The following C9orf72 variants were observed in gnomAD, a reference collection of about 807,000 sequenced individuals.
C9orf72 encodes the protein C9orf72-SMCR8 complex subunit.
In C9orf72, 44 loss-of-function variants were observed where a neutral mutation model predicts 51.6. The observed-to-expected ratio is 0.85, with a 90% CI of 0.67 to 1.10. The LOEUF (loss-of-function observed/expected upper bound fraction) is 1.10, where lower values mean the gene tolerates loss of function less well. Ranked by LOEUF, C9orf72 falls within the 50% of genes least tolerant of loss-of-function variation. C9orf72 has a pLI of 0.00. For synonymous variants in C9orf72, 213 were observed against 194.2 expected (o/e 1.10, Z -0.81); for missense variants, 607 against 570.6 (o/e 1.06, Z -0.65).
intron 1 of C9orf72, among the ~76,000 whole-genome samples, chr9:27,570,506 T>G (rs1303774590): frequency 6.6e-6 from 1 of 152,080 alleles, no homozygotes; most frequent in East Asian, 1.9e-4. Context: ...ATAGGGAAAC[T>G]TTTACCACGT....
intron 4 of C9orf72, 119 bp downstream of exon 4, chr9:27,562,262 T>C (rs1819367345): frequency 2.5e-6 from 1 of 401,020 alleles, no homozygotes; most frequent in Non-Finnish European, 4.3e-6. Flanking sequence ...TAATACTGTA[T>C]GTGAATAGTA....
intron 8 of C9orf72, among the ~76,000 whole-genome samples, chr9:27,553,133 G>A (rs1014839785): frequency 6.6e-6 from 1 of 152,062 alleles, no homozygotes; most frequent in Non-Finnish European, 1.5e-5. Flanking sequence ...TTGTTAAAAT[G>A]GCCATACTGC....
chr9:27,563,713 C>T (rs1055082710), intron 3 of C9orf72, among the ~76,000 whole-genome samples: 3 of 152,008 alleles, frequency 2.0e-5, no homozygotes, highest in Non-Finnish European at 4.4e-5. Context: ...TATCCTAAGC[C>T]ATATGCCCAT....
In C9orf72 at chr9:27,556,747, G is replaced by A; in HGVS notation, c.905C>T (p.Pro302Leu). 1 of 1,613,974 alleles carries A rather than the reference G, an allele frequency of 6.2e-7. No individual in the cohort carries two copies. The highest frequency in any genetic ancestry group is 8.5e-7 in the Non-Finnish European group (1 of 1,179,884). Residue 302 changes from proline to leucine, a missense_variant, in exon 8 of 11, where the codon CCA becomes CTA. Pro to Leu is a moderately conservative substitution (Grantham distance 98). Transcript: ENST00000380003. ...VLPFRQVMYA[P>L]YPTTHIDVDV... The stretch of plus-strand genomic sequence containing the variant: ...CACATCTATGTGTGTGGTGGGATAT[G>A]GAGCATACATGACTTGCCGGAAAGG...
chr9:27,568,279 T>C (rs1587320587), intron 1 of C9orf72, among the ~76,000 whole-genome samples: 1 of 151,928 alleles, frequency 6.6e-6, no homozygotes, highest in South Asian at 2.1e-4. Flanking sequence ...AAGAAACCAA[T>C]ACAGCATTTC....
chr9:27,567,438 ACACTGAT>A (rs1819494823), intron 1 of C9orf72, among the ~76,000 whole-genome samples: 1 of 152,222 alleles, frequency 6.6e-6, no homozygotes, highest in South Asian at 2.1e-4. Flanking sequence ...GGGCTTCTTT[ACACTGAT>A]ATTAAATGTT....
intron 8 of C9orf72, chr9:27,554,484 T>C (rs999655492): frequency 2.5e-6 from 1 of 397,406 alleles, no homozygotes; most frequent in Admixed American, 4.4e-5. Flanking sequence ...CAGGGCCTAC[T>C]TGAGGGTGGG....
At chr9:27,568,784 T>C (rs1484054343) in intron 1 of C9orf72, among the ~76,000 whole-genome samples, 3 of 152,188 alleles carry the variant, frequency 2.0e-5, no homozygotes, top group Non-Finnish European at 4.4e-5. Context: ...TGCTGGTTTA[T>C]GTATTCACTA....
rs753335393 is a variant in C9orf72 at position 27,548,390 on chromosome 9, C to T, written c.1292G>A (p.Arg431Gln). The T allele has an allele frequency of 4.9e-5, 69 of 1,418,734 alleles. No homozygotes were observed. The highest frequency in any genetic ancestry group is 6.6e-5 in the African/African-American group (4 of 60,672). 87.9% of individuals were successfully genotyped at this position (1,418,734 alleles called of 1,614,324 possible). ...TAAATCAAGGTCTATCTTCAGGTTC[C>T]GAAGAGATTTAAAGGGCTTTTTTCC... ...QKGKKPFKSL[R>Q]NLKIDLDLTA... The change falls in exon 11 of 11, where the codon CGG (arginine) becomes CAG (glutamine). Residue 431 changes from arginine to glutamine, a missense_variant. By Grantham distance (43) the Arg-to-Gln change is conservative (BLOSUM62 1). Transcript: ENST00000380003.
At chr9:27,557,557 T>C (rs926450900) in intron 7 of C9orf72, among the ~76,000 whole-genome samples, 6 of 152,134 alleles carry the variant, frequency 3.9e-5, no homozygotes, top group Non-Finnish European at 7.4e-5. Flanking sequence ...AAATTTCCTC[T>C]AGGCATCTGG....
rs775967997 is a variant in C9orf72, at chr9:27,556,789, GTTGAATCC to G, written c.856-1_862del. 1 of 1,606,160 alleles carries G rather than the reference GTTGAATCC, an allele frequency of 6.2e-7. No individual in the cohort carries two copies. The highest frequency in any genetic ancestry group is 8.5e-7 in the Non-Finnish European group (1 of 1,172,988). ...CCGGAAAGGCAGCACAAAGCTTCCA[GTTGAATCC>G]TGTCAAAATAAAAGGAAAATTTACT... On this transcript the variant is annotated splice_acceptor_variant and coding_sequence_variant, in exon 8 of 11. Coordinates refer to ENST00000380003, the MANE Select transcript of C9orf72 (RefSeq NM_018325.5). LOFTEE classifies it high-confidence loss of function.
intron 6 of C9orf72, 48 bp downstream of exon 6, chr9:27,560,179 A>G: frequency 8.2e-7 from 1 of 1,218,694 alleles, no homozygotes; most frequent in Non-Finnish European, 1.2e-6. Context: ...ATGATATATC[A>G]TCAGTCTTAA....
Position 27,567,005 on chromosome 9 carries a change from G to C in C9orf72, c.116C>G (p.Pro39Arg). The C allele has an allele frequency of 6.2e-7, 1 of 1,614,006 alleles. No homozygotes were observed. The highest frequency in any genetic ancestry group is 8.5e-7 in the Non-Finnish European group (1 of 1,179,918). The change falls in exon 2 of 11, where the codon CCT becomes CGT. Residue 39 changes from proline to arginine, a missense_variant. By Grantham distance (103) the Pro-to-Arg change is moderately radical (BLOSUM62 -2). Transcript: ENST00000380003. Reference protein sequence around the residue: ...TFAYWDNILGPRVRHIWAPKT... With the variant: ...TFAYWDNILGRRVRHIWAPKT... ...TGGAGCCCAAATGTGCCTTACTCTA[G>C]GACCAAGAATATTGTCCCAGTAAGC...
chr9:27,570,050 CACA>C (rs1819552058), intron 1 of C9orf72, among the ~76,000 whole-genome samples: 2 of 152,304 alleles, frequency 1.3e-5, no homozygotes, highest in South Asian at 2.1e-4. Context: ...AATGGTTGAA[CACA>C]ACGACAGTTT....
intron 1 of C9orf72, among the ~76,000 whole-genome samples, chr9:27,573,093 T>C (rs980378225): frequency 1.3e-5 from 2 of 151,922 alleles, no homozygotes; most frequent in Non-Finnish European, 2.9e-5. Flanking sequence ...TACCCGAGGC[T>C]CCCTTTTCTC....
At chr9:27,569,574 C>T (rs13284967) in intron 1 of C9orf72, among the ~76,000 whole-genome samples, 59,853 of 152,060 alleles carry the variant, frequency 0.39, 13,878 homozygotes, top group East Asian at 0.67. Flanking sequence ...CTATACCATA[C>T]GGCCTAGGTA....
rs750045383 is a variant in C9orf72 at position 27,548,258 on chromosome 9, C to A, written c.1424G>T (p.Arg475Leu). The A allele has an allele frequency of 4.4e-6, 7 of 1,608,028 alleles. No individual in the cohort carries two copies. Among genetic ancestry groups the A allele is most frequent in the Non-Finnish European group, 3.4e-6 (4 of 1,177,588 alleles). Residue 475 changes from arginine (R) to leucine (L), a missense_variant, in exon 11 of 11, where the codon CGA (arginine) becomes CTA (leucine). Physicochemically the swap from Arg to Leu is moderately radical, Grantham distance 102 (BLOSUM62 -2). Coordinates refer to ENST00000380003, the MANE Select transcript of C9orf72 (RefSeq NM_018325.5). The stretch of plus-strand genomic sequence containing the variant: ...CATTTAAAAAGTCATTAGAACATCT[C>A]GTTCTTGCACACTAGTGTAGAAAGG... Reference protein sequence around the residue: ...GRPFYTSVQERDVLMTF With the variant: ...GRPFYTSVQELDVLMTF
intron 8 of C9orf72, among the ~76,000 whole-genome samples, chr9:27,554,195 A>G (rs1211056999): frequency 6.6e-6 from 1 of 152,202 alleles, no homozygotes; most frequent in Non-Finnish European, 1.5e-5. Flanking sequence ...AAATTTTTCT[A>G]CCATAAAGAC....
At chr9:27,548,764 C>G (rs866566387) in intron 9 of C9orf72, 98 bp from the exon 10 acceptor site, 2 of 679,926 alleles carry the variant, frequency 2.9e-6, no homozygotes, top group Middle Eastern at 2.5e-4. Context: ...AGACAATACA[C>G]ACTAAACATC....
Sources: allele counts gnomAD v4.1 joint callset (sites outside exome capture counted in the v4.1 genomes callset), GRCh38; gene constraint gnomAD v4.1.1; transcripts MANE v1.5; gene names NCBI Gene and HGNC (gene_info 2026-07-23, HGNC 2026-07-21).